SRGAP3: variants seen among roughly 807,000 people sequenced by gnomAD.
SRGAP3 encodes the protein SLIT-ROBO Rho GTPase activating protein 3.
SRGAP3 carries 39 observed loss-of-function variants against 121.1 expected under a neutral mutation model. That is an observed-to-expected ratio of 0.32 (90% CI 0.25 to 0.42). SRGAP3 has a LOEUF of 0.42. Among genes scored for constraint, SRGAP3 ranks in the 10% least tolerant of loss-of-function variants. The probability of loss-of-function intolerance (pLI) is 1.00; values close to 1 mark genes in which losing one functional copy is unlikely to be tolerated. For synonymous variants in SRGAP3, 601 were observed against 570.0 expected (o/e 1.05, Z -0.77); for missense variants, 1,213 against 1,470.6 (o/e 0.82, Z 2.86).
intron 2 of SRGAP3, among the ~76,000 whole-genome samples, chr3:9,113,041 A>G (rs891019332): frequency 5.3e-5 from 8 of 152,232 alleles, no homozygotes; most frequent in African/African-American, 1.9e-4. Flanking sequence ...TCTAGAACTG[A>G]CAGAAAGTGA....
intron 1 of SRGAP3, among the ~76,000 whole-genome samples, chr3:9,207,857 G>A (rs1952317380): frequency 6.6e-6 from 1 of 152,112 alleles, no homozygotes; most frequent in Admixed American, 6.5e-5. Flanking sequence ...CAATCCTGAC[G>A]AGGGAACTCT....
At chr3:9,063,713 A>T (rs1946288280) in intron 5 of SRGAP3, among the ~76,000 whole-genome samples, 1 of 152,146 alleles carries the variant, frequency 6.6e-6, no homozygotes, top group African/African-American at 2.4e-5. Flanking sequence ...AATTGATCAG[A>T]GTTGACATGA....
At chr3:9,077,196 G>A (rs1182282351) in intron 4 of SRGAP3, among the ~76,000 whole-genome samples, 4 of 149,914 alleles carry the variant, frequency 2.7e-5, no homozygotes, top group Non-Finnish European at 5.9e-5. Flanking sequence ...AACTCCTTAG[G>A]AGTAAGACCA....
chr3:9,086,184 G>A (rs1004880306), intron 3 of SRGAP3, among the ~76,000 whole-genome samples: 2 of 152,280 alleles, frequency 1.3e-5, no homozygotes, highest in South Asian at 4.1e-4. Flanking sequence ...CCCTATTCCT[G>A]CATTTCTGCA....
chr3:9,163,696 T>C (rs1174287983), intron 1 of SRGAP3, among the ~76,000 whole-genome samples: 1 of 152,088 alleles, frequency 6.6e-6, no homozygotes, highest in Non-Finnish European at 1.5e-5. Context: ...TGCTCCATAC[T>C]CCTAGCTGCA....
Position 8,982,778 on chromosome 3 carries a change from G to A in SRGAP3, c.*2741C>T. On this transcript the variant is annotated 3_prime_UTR_variant, in exon 22 of 22. Transcript: ENST00000383836. ...CTCAGATCTGGGGCTGGATGAGTGG[G>A]GAGACGTCTGCCATCTGTGTGTGTA... 1 of 223,056 alleles carries A rather than the reference G, an allele frequency of 4.5e-6. No individual in the cohort carries two copies. Among genetic ancestry groups the A allele is most frequent in the Non-Finnish European group, 8.9e-6 (1 of 111,820 alleles). The allele number at this position is 223,056 out of a possible 1,614,324, so 13.8% of individuals were successfully genotyped here.
intron 3 of SRGAP3, among the ~76,000 whole-genome samples, chr3:9,284,210 T>C (rs898357121): frequency 6.6e-6 from 1 of 152,148 alleles, no homozygotes; most frequent in South Asian, 2.1e-4. Context: ...ACCATCCTAC[T>C]TCGGTATGCC....
At chr3:9,269,727 G>A (rs770280010) in intron 3 of SRGAP3, among the ~76,000 whole-genome samples, 1 of 152,128 alleles carries the variant, frequency 6.6e-6, no homozygotes, top group Non-Finnish European at 1.5e-5. Context: ...GGCCAATCAG[G>A]CCATATCTAC....
intron 1 of SRGAP3, among the ~76,000 whole-genome samples, chr3:9,361,778 A>G (rs751083099): frequency 2.0e-5 from 3 of 152,184 alleles, no homozygotes; most frequent in Admixed American, 2.0e-4. Context: ...ACCGACTAGC[A>G]TTCCTTCCTG....
chr3:9,323,226 A>G (rs1955465283), intron 3 of SRGAP3, among the ~76,000 whole-genome samples: 1 of 151,906 alleles, frequency 6.6e-6, no homozygotes, highest in South Asian at 2.1e-4. Flanking sequence ...GGGTGGGATG[A>G]AACTGTTCTG....
At chr3:9,091,178 G>C (rs150174279) in intron 3 of SRGAP3, among the ~76,000 whole-genome samples, 6 of 152,186 alleles carry the variant, frequency 3.9e-5, no homozygotes, top group Middle Eastern at 3.4e-3. Context: ...GAGTAAGACA[G>C]GTGGCCTTTG....
At chr3:9,319,943 G>A (rs9830211) in intron 3 of SRGAP3, among the ~76,000 whole-genome samples, 212 of 152,028 alleles carry the variant, frequency 1.4e-3, no homozygotes, top group African/African-American at 4.8e-3. Flanking sequence ...AACATCTTTT[G>A]TTTTTGTCTA....
intron 1 of SRGAP3, among the ~76,000 whole-genome samples, chr3:9,139,962 T>C (rs1398820489): frequency 1.3e-5 from 2 of 152,166 alleles, no homozygotes; most frequent in Non-Finnish European, 2.9e-5. Context: ...GATCACCTAC[T>C]ATGTCTGTGT....
intron 1 of SRGAP3, among the ~76,000 whole-genome samples, chr3:9,245,981 C>T (rs935436945): frequency 2.0e-5 from 3 of 152,082 alleles, no homozygotes; most frequent in Non-Finnish European, 2.9e-5. Context: ...TGATAGACTA[C>T]GTGGGCTTGG....
chr3:9,061,453 C>T (rs193156338), intron 5 of SRGAP3, among the ~76,000 whole-genome samples: 2 of 152,286 alleles, frequency 1.3e-5, no homozygotes, highest in South Asian at 2.1e-4. Flanking sequence ...TCAGCCTTGG[C>T]CCAAGGTCTC....
chr3:9,267,523 C>T (rs796256876), intron 3 of SRGAP3, among the ~76,000 whole-genome samples: 4 of 152,184 alleles, frequency 2.6e-5, no homozygotes, highest in African/African-American at 7.2e-5. Flanking sequence ...CCGCAGGCAG[C>T]GGTTGCAGTT....
intron 1 of SRGAP3, among the ~76,000 whole-genome samples, chr3:9,236,878 A>G (rs1048972976): frequency 6.6e-6 from 1 of 152,140 alleles, no homozygotes; most frequent in Non-Finnish European, 1.5e-5. Flanking sequence ...CTTATCTTTG[A>G]TAAGACTTAA....
intron 1 of SRGAP3, among the ~76,000 whole-genome samples, chr3:9,144,757 C>A (rs916129191): frequency 6.6e-6 from 1 of 152,338 alleles, no homozygotes; most frequent in Admixed American, 6.5e-5. Flanking sequence ...TTTTTCTTCC[C>A]AGTCTCAGGT....
intron 2 of SRGAP3, among the ~76,000 whole-genome samples, chr3:9,110,500 A>G (rs1002859723): frequency 6.6e-6 from 1 of 152,250 alleles, no homozygotes; most frequent in Non-Finnish European, 1.5e-5. Context: ...CCCGGGAAGC[A>G]TGGCAAGGCT....
Sources: allele counts gnomAD v4.1 joint callset (sites outside exome capture counted in the v4.1 genomes callset), GRCh38; gene constraint gnomAD v4.1.1; transcripts MANE v1.5; gene names NCBI Gene and HGNC (gene_info 2026-07-23, HGNC 2026-07-21).